SPTBN1: variants seen among roughly 807,000 people sequenced by gnomAD.
SPTBN1 encodes spectrin beta chain, non-erythrocytic 1.
Under a neutral mutation model 266.4 loss-of-function variants are expected in SPTBN1, and 32 were observed. The observed-to-expected ratio is 0.12, with a 90% CI of 0.09 to 0.16. SPTBN1 has a LOEUF of 0.16. SPTBN1 is among the 10% of genes least tolerant of loss of function. The probability of loss-of-function intolerance (pLI) is 1.00; values close to 1 mark genes in which losing one functional copy is unlikely to be tolerated. For synonymous variants in SPTBN1, 1,336 were observed against 1,162.2 expected (o/e 1.15, Z -3.04); for missense variants, 2,296 against 3,067.1 (o/e 0.75, Z 5.94).
chr2:54,471,072 G>C (rs568092249), intron 1 of SPTBN1, among the ~76,000 whole-genome samples: 76 of 152,292 alleles, frequency 5.0e-4, no homozygotes, highest in African/African-American at 1.8e-3. Flanking sequence ...GCTTTAGAAT[G>C]TACTCAATTA....
intron 32 of SPTBN1, chr2:54,661,999 G>A (rs2971877): frequency 0.74 from 727,511 of 985,240 alleles, 270,286 homozygotes; most frequent in African/African-American, 0.94. Context: ...CAGAGACTCA[G>A]TGAACTTGAA....
intron 5 of SPTBN1, among the ~76,000 whole-genome samples, chr2:54,616,678 G>A (rs919168747): frequency 1.1e-4 from 16 of 152,138 alleles, no homozygotes; most frequent in African/African-American, 3.1e-4. Flanking sequence ...GTAAACAACA[G>A]CATAACCTTT....
chr2:54,522,598 T>C (rs576857521), intron 1 of SPTBN1, among the ~76,000 whole-genome samples: 4 of 145,090 alleles, frequency 2.8e-5, no homozygotes, highest in African/African-American at 1.0e-4. Context: ...GCCACTGCAC[T>C]CCAGCCTGGG....
chr2:54,620,879 A>G (rs1267367333), intron 7 of SPTBN1, among the ~76,000 whole-genome samples: 1 of 152,188 alleles, frequency 6.6e-6, no homozygotes, highest in African/African-American at 2.4e-5. Flanking sequence ...TGTGCTTCTG[A>G]AAGATCAGTC....
intron 3 of SPTBN1, among the ~76,000 whole-genome samples, chr2:54,602,927 C>T (rs1676594481): frequency 6.6e-6 from 1 of 152,188 alleles, no homozygotes; most frequent in Non-Finnish European, 1.5e-5. Flanking sequence ...GTGGACTGGC[C>T]ATGGAACCTC....
At chr2:54,668,175 G>A (rs1000327272) in intron 35 of SPTBN1, among the ~76,000 whole-genome samples, 176 bp from the exon 36 acceptor site, 10 of 152,156 alleles carry the variant, frequency 6.6e-5, no homozygotes, top group African/African-American at 2.2e-4. Flanking sequence ...CTCATGAGAA[G>A]CTGAACCAGG....
In SPTBN1 at chr2:54,629,475, T is replaced by G; in HGVS notation, c.2341T>G (p.Ser781Ala). 1 of 1,614,102 alleles carries G rather than the reference T, an allele frequency of 6.2e-7. No homozygotes were observed. Residue 781 changes from serine (S) to alanine (A), a missense_variant, in exon 14 of 36, where the codon TCT (serine) becomes GCT (alanine). Ser to Ala is a moderately conservative substitution (Grantham distance 99, BLOSUM62 1). Coordinates refer to ENST00000356805, the MANE Select transcript of SPTBN1 (RefSeq NM_003128.3). ...GGGCCACGATGAGTATTCCACACAG[T>G]CTCTGGTCAAGAAACACAAGGACGT... ...DVGHDEYSTQ[S>A]LVKKHKDVAE... is the part of the protein sequence containing the mutation.
intron 29 of SPTBN1, 43 bp downstream of exon 29, chr2:54,656,041 GA>G: frequency 6.6e-7 from 1 of 1,510,740 alleles, no homozygotes; most frequent in Non-Finnish European, 9.1e-7. Flanking sequence ...GGTATCAATG[GA>G]AAACATGCAC....
intron 1 of SPTBN1, among the ~76,000 whole-genome samples, chr2:54,498,265 A>G (rs1305463822): frequency 6.6e-6 from 1 of 152,182 alleles, no homozygotes; most frequent in African/African-American, 2.4e-5. Context: ...TGTTCGGTAG[A>G]CTTGCTGCCG....
At chr2:54,593,060 A>C (rs1016747658) in intron 2 of SPTBN1, among the ~76,000 whole-genome samples, 1 of 152,226 alleles carries the variant, frequency 6.6e-6, no homozygotes, top group African/African-American at 2.4e-5. Context: ...GGAGCACCAT[A>C]CTAGGATTTC....
At chr2:54,471,001 A>G (rs1292684343) in intron 1 of SPTBN1, among the ~76,000 whole-genome samples, 5 of 152,220 alleles carry the variant, frequency 3.3e-5, no homozygotes, top group African/African-American at 7.2e-5. Context: ...TACTTTATGT[A>G]TAGCCCAAGA....
At chr2:54,550,461 C>T (rs1672503355) in intron 2 of SPTBN1, among the ~76,000 whole-genome samples, 1 of 152,180 alleles carries the variant, frequency 6.6e-6, no homozygotes, top group Admixed American at 6.5e-5. Flanking sequence ...TAATCGGTAC[C>T]TGTTTTTCAA....
In SPTBN1 at chr2:54,558,974, G is replaced by A; in HGVS notation, c.148+32408G>A. ...ATTTGTGACCCTAATGAAGACGGGC[G>A]GCTTCACAGCTCGGCCCCAGACCCT... On this transcript the variant is annotated intron_variant, in intron 2 of 35. Coordinates refer to ENST00000356805, the MANE Select transcript of SPTBN1 (RefSeq NM_003128.3). This position sits in a 1 kb window ranked among gnomAD's most constrained non-coding sequence, Gnocchi z 4.6. The A allele has an allele frequency of 6.7e-7, 1 of 1,482,856 alleles. No homozygotes were observed. Among genetic ancestry groups the A allele is most frequent in the Non-Finnish European group, 9.1e-7 (1 of 1,097,146 alleles). 91.9% of individuals were successfully genotyped at this position (1,482,856 alleles called of 1,614,324 possible).
At chr2:54,524,245 A>G (rs1183880891) in intron 1 of SPTBN1, among the ~76,000 whole-genome samples, 3 of 152,126 alleles carry the variant, frequency 2.0e-5, no homozygotes, top group Non-Finnish European at 2.9e-5. Context: ...GGATAGCTTC[A>G]TACCACTTTA....
intron 2 of SPTBN1, among the ~76,000 whole-genome samples, chr2:54,547,867 A>C (rs969964200): frequency 6.6e-6 from 1 of 152,204 alleles, no homozygotes; most frequent in Non-Finnish European, 1.5e-5. Flanking sequence ...AGTTGTGGCC[A>C]GGCGTGGTGG....
rs553322704 is a variant in SPTBN1, at chr2:54,670,644, T to C, written c.*2075T>C. ...TGTGATTAATTACAGTCTTGTACTC[T>C]TGACAAAGCTGTGCAGATGGCAATA... On this transcript the variant is annotated 3_prime_UTR_variant, in exon 36 of 36. Transcript: ENST00000356805. The C allele has an allele frequency of 7.5e-6, 3 of 398,678 alleles. No individual in the cohort carries two copies. The highest frequency in any genetic ancestry group is 2.1e-5 in the African/African-American group (1 of 48,768). 24.7% of individuals were successfully genotyped at this position (398,678 alleles called of 1,614,324 possible). A position where few individuals can be genotyped will look rare whatever the true frequency, so the allele number is the denominator to read the frequency against.
rs572454645 is a variant in SPTBN1, at chr2:54,506,118, C to T, written c.-47-20254C>T. ...CAGCCTGGGCAACAGAGTGAGACTC[C>T]GTCTCTAAATAAATAAATAAATAAA... On this transcript the variant is annotated intron_variant, in intron 1 of 35. Transcript: ENST00000356805. Among the ~76,000 whole-genome samples, 1,090 of 134,340 alleles carry T rather than the reference C, an allele frequency of 8.1e-3. 7 individuals carry two copies. The highest frequency in any genetic ancestry group is 0.011 in the Non-Finnish European group (691 of 62,854). The allele number at this position is 134,340 out of a possible 152,430, so 88.1% of individuals were successfully genotyped here.
intron 7 of SPTBN1, among the ~76,000 whole-genome samples, chr2:54,618,526 A>T (rs13010744): frequency 2.6e-5 from 4 of 152,230 alleles, no homozygotes; most frequent in African/African-American, 9.6e-5. Flanking sequence ...GAATACCACT[A>T]TTCCCTTCTG....
chr2:54,650,368 G>GA (rs1341675809), intron 26 of SPTBN1, among the ~76,000 whole-genome samples: 9 of 152,020 alleles, frequency 5.9e-5, no homozygotes, highest in Non-Finnish European at 1.3e-4. Flanking sequence ...TCTGGAAAAA[G>GA]AAAAAAACAG....
Sources: gnomAD v4.1 joint callset for allele counts (sites outside exome capture counted in the v4.1 genomes callset) on GRCh38, gnomAD v4.1.1 for gene constraint, Gnocchi (gnomAD v3.1) non-coding constraint, MANE v1.5 for transcripts, NCBI Gene and HGNC (gene_info 2026-07-23, HGNC 2026-07-21) for gene names.